The following CNTN5 variants were observed in gnomAD, a reference collection of about 807,000 sequenced individuals.
CNTN5 encodes the protein contactin 5, also known as contactin-5.
Under a neutral mutation model 129.1 loss-of-function variants are expected in CNTN5, and 77 were observed. That is an observed-to-expected ratio of 0.60 (90% confidence interval 0.50 to 0.72). CNTN5 has a LOEUF of 0.72. Among genes scored for constraint, CNTN5 ranks in the 30% least tolerant of loss-of-function variants. CNTN5 has a pLI of 0.00. For missense variants in CNTN5, 1,478 were observed against 1,328.8 expected (o/e 1.11, Z -1.75); for synonymous variants, 509 against 465.6 (o/e 1.09, Z -1.20).
At chr11:99,396,719 CAGTT>C (rs1169634445) in intron 2 of CNTN5, among the ~76,000 whole-genome samples, 2 of 151,568 alleles carry the variant, frequency 1.3e-5, no homozygotes, top group African/African-American at 2.4e-5. Flanking sequence ...AACAGCCAAA[CAGTT>C]AGGAGATAAG....
chr11:100,074,191 GT>G lies in CNTN5; in HGVS notation c.1479del (p.Thr494ProfsTer8). ...ALNQLKKTII[V>X]TKDQEVVIEC... ...GAATCAACTGAAGAAAACAATAATT[GT>G]TACCAAAGACCAAGAAGTTGTCATA... On this transcript the variant is annotated frameshift_variant, in exon 13 of 25. Transcript: ENST00000524871. LOFTEE classifies it high-confidence loss of function. 8.1e-6 allele frequency: 13 copies of G among 1,612,556 alleles called. No homozygotes were observed. The highest frequency in any genetic ancestry group is 1.0e-5 in the Non-Finnish European group (12 of 1,179,222).
chr11:99,458,670 G>T (rs188111668), intron 2 of CNTN5, among the ~76,000 whole-genome samples: 1 of 151,904 alleles, frequency 6.6e-6, no homozygotes, highest in African/African-American at 2.4e-5. Context: ...GAACCCAAGC[G>T]AATGCCCATA....
At chr11:99,128,012 G>A (rs535629696) in intron 1 of CNTN5, among the ~76,000 whole-genome samples, 3 of 152,254 alleles carry the variant, frequency 2.0e-5, no homozygotes, top group Admixed American at 1.3e-4. Flanking sequence ...TAAATATGTT[G>A]TAATATAAAT....
chr11:99,401,147 T>C (rs1941785792), intron 2 of CNTN5, among the ~76,000 whole-genome samples: 1 of 152,110 alleles, frequency 6.6e-6, no homozygotes, highest in African/African-American at 2.4e-5. Context: ...ACTCAAAAAA[T>C]CTTTTCCAGA....
At chr11:100,293,047 T>C in intron 18 of CNTN5, among the ~76,000 whole-genome samples, 1 of 151,934 alleles carries the variant, frequency 6.6e-6, no homozygotes, top group Non-Finnish European at 1.5e-5. Flanking sequence ...TATTATAAGA[T>C]GGGCTGGATT....
intron 1 of CNTN5, among the ~76,000 whole-genome samples, chr11:99,159,868 T>C (rs940258853): frequency 6.6e-6 from 1 of 152,142 alleles, no homozygotes; most frequent in Non-Finnish European, 1.5e-5. Flanking sequence ...ATGATTAATG[T>C]CCTGTTCTGT....
intron 2 of CNTN5, among the ~76,000 whole-genome samples, chr11:99,460,091 T>C (rs111243307): frequency 6.6e-6 from 1 of 151,976 alleles, no homozygotes; most frequent in African/African-American, 2.4e-5. Flanking sequence ...GACTAGAGCT[T>C]AAAAATAGAT....
intron 3 of CNTN5, among the ~76,000 whole-genome samples, chr11:99,807,876 C>A (rs185940232): frequency 6.6e-6 from 1 of 151,900 alleles, no homozygotes; most frequent in Non-Finnish European, 1.5e-5. Flanking sequence ...TTCTGTAGTG[C>A]GCATATATTT....
At chr11:99,941,706 A>G (rs1950442357) in intron 7 of CNTN5, among the ~76,000 whole-genome samples, 1 of 151,946 alleles carries the variant, frequency 6.6e-6, no homozygotes, top group Non-Finnish European at 1.5e-5. Flanking sequence ...AAAAGAAGTT[A>G]AGTAATGAGC....
intron 1 of CNTN5, among the ~76,000 whole-genome samples, chr11:99,098,538 C>A (rs915933905): frequency 3.3e-5 from 5 of 152,008 alleles, no homozygotes; most frequent in Non-Finnish European, 7.4e-5. Flanking sequence ...CTCTCTGCTA[C>A]GAGGTTTTCA....
chr11:99,637,393 G>A (rs1243134823), intron 3 of CNTN5, among the ~76,000 whole-genome samples: 1 of 152,100 alleles, frequency 6.6e-6, no homozygotes, highest in Non-Finnish European at 1.5e-5. Flanking sequence ...CATAATACTT[G>A]TATAAATTGA....
At chr11:99,768,658 T>TA (rs751965118) in intron 3 of CNTN5, among the ~76,000 whole-genome samples, 1 of 152,064 alleles carries the variant, frequency 6.6e-6, no homozygotes, top group African/African-American at 2.4e-5. Flanking sequence ...ACTATTTTGA[T>TA]AAAAAATGTT....
chr11:99,156,645 T>C (rs1286013711), intron 1 of CNTN5, among the ~76,000 whole-genome samples: 1 of 152,018 alleles, frequency 6.6e-6, no homozygotes, highest in Non-Finnish European at 1.5e-5. Context: ...CCTATAATTT[T>C]TTTTATATAT....
At chr11:99,777,819 T>C (rs1338170837) in intron 3 of CNTN5, among the ~76,000 whole-genome samples, 1 of 151,836 alleles carries the variant, frequency 6.6e-6, no homozygotes, top group Non-Finnish European at 1.5e-5. Flanking sequence ...AGTTTATGGA[T>C]TACTTTCACA....
intron 1 of CNTN5, among the ~76,000 whole-genome samples, chr11:99,091,021 C>CAAAAAAAAAAAAAA (rs68113369): frequency 5.3e-5 from 3 of 56,762 alleles, no homozygotes; most frequent in African/African-American, 1.5e-4. Context: ...GACTCCGTCT[C>CAAAAAAAAAAAAAA]AAAAAAAAAA....
At chr11:100,158,771 G>A (rs1311523272) in intron 13 of CNTN5, among the ~76,000 whole-genome samples, 1 of 151,846 alleles carries the variant, frequency 6.6e-6, no homozygotes, top group Non-Finnish European at 1.5e-5. Context: ...TCCAGAGACA[G>A]TTTGGCATTA....
intron 6 of CNTN5, among the ~76,000 whole-genome samples, chr11:99,853,399 G>GTA (rs1947936351): frequency 1.4e-5 from 2 of 140,290 alleles, no homozygotes; most frequent in South Asian, 2.3e-4. Flanking sequence ...TATATTATTT[G>GTA]TATATATATA....
intron 1 of CNTN5, among the ~76,000 whole-genome samples, chr11:99,203,381 T>G (rs1859313434): frequency 6.6e-6 from 1 of 152,160 alleles, no homozygotes; most frequent in African/African-American, 2.4e-5. Flanking sequence ...GGAAGAAAAT[T>G]TAGGTGTAAT....
rs1392323671 is a variant in CNTN5, at chr11:99,551,457, G to A, written c.-70-4688G>A. Among the ~76,000 whole-genome samples, 7 of 152,238 alleles carry A rather than the reference G, an allele frequency of 4.6e-5. No homozygotes were observed. The South Asian group carries it at 1.5e-3, about 32-fold the overall frequency. The stretch of plus-strand genomic sequence containing the variant: ...ATTATTTATTAACTGGGGCAAATTA[G>A]CTTCATCAATAAGAGATGTCCTAGA... On this transcript the variant is annotated intron_variant, in intron 2 of 24. Transcript: ENST00000524871.
Sources: allele counts gnomAD v4.1 joint callset (sites outside exome capture counted in the v4.1 genomes callset), GRCh38; gene constraint gnomAD v4.1.1; transcripts MANE v1.5; gene names NCBI Gene and HGNC (gene_info 2026-07-23, HGNC 2026-07-21).